SELENOO: variants seen among roughly 807,000 people sequenced by gnomAD.
SELENOO encodes the protein selenoprotein O, also known as protein adenylyltransferase SelO, mitochondrial.
SELENOO carries 74 observed loss-of-function variants against 58.7 expected under a neutral mutation model. That is an observed-to-expected ratio of 1.26 (90% CI 1.04 to 1.53). The LOEUF (loss-of-function observed/expected upper bound fraction) is 1.53, where lower values mean the gene tolerates loss of function less well. Ranked by LOEUF, SELENOO falls within the 40% of genes most tolerant of loss-of-function variation. The pLI, the probability that SELENOO is intolerant of heterozygous loss-of-function variation, is 0.00. For synonymous variants in SELENOO, 543 were observed against 453.2 expected, an observed-to-expected ratio of 1.20 and a Z score of -2.52; for missense variants, 1,149 against 970.0, an observed-to-expected ratio of 1.18 and a Z score of -2.45.
chr22:50,201,390 C>T lies in SELENOO; in HGVS notation c.354C>T (p.Ala118=). 2 of 1,277,040 alleles carry T rather than the reference C, an allele frequency of 1.6e-6. No homozygotes were observed. Among genetic ancestry groups the T allele is most frequent in the Non-Finnish European group, 2.0e-6 (2 of 1,009,646 alleles). 79.1% of individuals were successfully genotyped at this position (1,277,040 alleles called of 1,614,324 possible). A position where few individuals can be genotyped will look rare whatever the true frequency, so the allele number is the denominator to read the frequency against. The part of the protein sequence containing the change: ...LGAPPAREAE[A]EAALFFSGNA... ...CGCCGCCCGCGCGCGAGGCCGAGGC[C>T]GAGGCCGCGCTGTTCTTCAGCGGCA... Residue 118 remains alanine, a synonymous_variant, in exon 1 of 9, where the codon GCC becomes GCT. Coordinates refer to ENST00000380903, the MANE Select transcript of SELENOO (RefSeq NM_031454.2).
In SELENOO at chr22:50,216,999, C is replaced by T. The variant is rs565981739; in HGVS notation, c.1716C>T (p.Gly572=). Residue 572 remains glycine, a synonymous_variant, in exon 8 of 9, where the codon GGC becomes GGT. Coordinates refer to ENST00000380903, the MANE Select transcript of SELENOO (RefSeq NM_031454.2). The part of the protein sequence containing the change: ...YRARLDKDLE[G]AGDAAAWQAE... ...CCCGGCTGGACAAGGACCTGGAAGGCGCTGGGGACGCTGCCGCCTGGCAGG... is the reference window on the plus strand; with the variant it reads ...CCCGGCTGGACAAGGACCTGGAAGGTGCTGGGGACGCTGCCGCCTGGCAGG... 3.8e-5 allele frequency: 62 copies of T among 1,611,132 alleles called. No homozygotes were observed. In the African/African-American group the frequency reaches 4.9e-4, roughly 13 times the overall value.
intron 1 of SELENOO, 126 bp downstream of exon 1, chr22:50,201,716 G>A: frequency 1.5e-6 from 1 of 682,704 alleles, no homozygotes; most frequent in Non-Finnish European, 2.0e-6. Flanking sequence ...GCACCCGCGG[G>A]AGCGCGGTGC....
chr22:50,206,717 C>G lies in SELENOO; in HGVS notation c.758+197C>G, dbSNP rs181487301. 7.9e-5 allele frequency among the ~76,000 whole-genome samples: 12 copies of G among 152,350 alleles called. No homozygotes were observed. In the East Asian group the frequency reaches 1.5e-3, roughly 20 times the overall value. On this transcript the variant is annotated intron_variant, in intron 2 of 8. Coordinates refer to ENST00000380903, the MANE Select transcript of SELENOO (RefSeq NM_031454.2). ...CTGCGTCACGCCCACTGGGAGGGAT[C>G]TGAGTGCAAAGGCATTTGGTACTCA...
chr22:50,210,171 C>G lies in SELENOO; in HGVS notation c.940-10C>G, dbSNP rs1414216281. The G allele has an allele frequency of 8.1e-6, 13 of 1,612,012 alleles. No homozygotes were observed. On this transcript the variant is annotated splice_polypyrimidine_tract_variant and intron_variant, in intron 3 of 8. Coordinates refer to ENST00000380903, the MANE Select transcript of SELENOO (RefSeq NM_031454.2). ...CCCGAGGAGGGAGCAAGCACACTGT[C>G]CCACCCCAGGTGACGCGGCGCACGG...
rs76533541 is a variant in SELENOO, at chr22:50,213,204, G to T, written c.1351+2293G>T. ...GACTCCCAAGTAGCTGGGACTACTG[G>T]CATGCTCCACCACACCTAGCTAATT... is the stretch of plus-strand genomic sequence containing the variant. On this transcript the variant is annotated intron_variant, in intron 5 of 8. Transcript: ENST00000380903. Among the ~76,000 whole-genome samples the T allele has an allele frequency of 3.3e-5, 5 of 152,210 alleles. No homozygotes were observed. The East Asian group carries it at 9.7e-4, about 29-fold the overall frequency.
At position 50,217,487 on chromosome 22, in the gene SELENOO, C is replaced by G. The variant is rs1000556465; in HGVS notation, c.*118C>G. ...GGGATTCTGCCCTGGCCCATGCACA[C>G]CCGTCTTTCCATGATGGCAGAGACA... is the stretch of plus-strand genomic sequence containing the variant. On this transcript the variant is annotated 3_prime_UTR_variant, in exon 9 of 9. Coordinates refer to ENST00000380903, the MANE Select transcript of SELENOO (RefSeq NM_031454.2). 3 of 1,271,132 alleles carry G rather than the reference C, an allele frequency of 2.4e-6. No individual in the cohort carries two copies. Among genetic ancestry groups the G allele is most frequent in the African/African-American group, 3.0e-5 (2 of 65,744 alleles). The allele number at this position is 1,271,132 out of a possible 1,614,324, so 78.7% of individuals were successfully genotyped here.
rs115016508 is a variant in SELENOO, at chr22:50,217,614, C to A, written c.*245C>A. 4.7e-6 allele frequency: 5 copies of A among 1,070,278 alleles called. No homozygotes were observed. Among genetic ancestry groups the A allele is most frequent in the Non-Finnish European group, 6.7e-6 (5 of 748,876 alleles). 66.3% of individuals were successfully genotyped at this position (1,070,278 alleles called of 1,614,324 possible). A position where few individuals can be genotyped will look rare whatever the true frequency, so the allele number is the denominator to read the frequency against. On this transcript the variant is annotated 3_prime_UTR_variant, in exon 9 of 9. Transcript: ENST00000380903. ...CTCCTAAATAAACCAGCAACTCCCTCGAGTCTGTCTCTGTGGTCATTGTTC... is the reference window on the plus strand; with the variant it reads ...CTCCTAAATAAACCAGCAACTCCCTAGAGTCTGTCTCTGTGGTCATTGTTC...
chr22:50,217,236 C>T lies in SELENOO; in HGVS notation c.1877C>T (p.Pro626Leu), dbSNP rs761097789. Residue 626 changes from proline (P) to leucine (L), a missense_variant, in exon 9 of 9, where the codon CCT becomes CTT. Transcript: ENST00000380903. The part of the protein sequence containing the change: ...VRRVLKLLET[P>L]YHCEAGAATD... Reference sequence around the variant, plus strand: ...CGGGTGCTGAAACTACTGGAGACCCCTTACCACTGCGAGGCGGGGGCCGCC... The same window carrying T: ...CGGGTGCTGAAACTACTGGAGACCCTTTACCACTGCGAGGCGGGGGCCGCC... 1 of 1,611,768 alleles carries T rather than the reference C, an allele frequency of 6.2e-7. No homozygotes were observed. Among genetic ancestry groups the T allele is most frequent in the East Asian group, 2.2e-5 (1 of 44,878 alleles).
At position 50,215,878 on chromosome 22, in the gene SELENOO, A is replaced by T; in HGVS notation, c.1502+11A>T. ...CCAGATGGATCCCCGGTGGGTACTC[A>T]GTTCCTACTTCTTTGGATTTGTTTC... On this transcript the variant is annotated intron_variant, in intron 6 of 8. Transcript: ENST00000380903. 6.3e-7 allele frequency: 1 copy of T among 1,585,454 alleles called. No homozygotes were observed.
In SELENOO at chr22:50,217,074, GAACT is replaced by G; in HGVS notation, c.1793_1796del (p.Asn598ThrfsTer22). The G allele has an allele frequency of 6.2e-7, 1 of 1,612,934 alleles. No individual in the cohort carries two copies. The highest frequency in any genetic ancestry group is 8.5e-7 in the Non-Finnish European group (1 of 1,179,966). ...CCAACAACCCGAAGTACGTGCTGAGGAACTACATCGCGCAGAATGCCATCGAGGC... is the reference window on the plus strand; with the variant it reads ...CCAACAACCCGAAGTACGTGCTGAGGACATCGCGCAGAATGCCATCGAGGC... On this transcript the variant is annotated frameshift_variant, in exon 8 of 9. Transcript: ENST00000380903. LOFTEE classifies it high-confidence loss of function.
Position 50,216,883 on chromosome 22 carries a change from C to G in SELENOO, c.1688+7C>G. On this transcript the variant is annotated splice_region_variant and intron_variant, in intron 7 of 8. Transcript: ENST00000380903. ...ACTGGCTACAGGCGTACAGGTGAGC[C>G]CTGCGTCCATGGTCACCGGGGGACG... The G allele has an allele frequency of 6.2e-7, 1 of 1,605,978 alleles. No homozygotes were observed. The highest frequency in any genetic ancestry group is 8.5e-7 in the Non-Finnish European group (1 of 1,178,778).
intron 5 of SELENOO, among the ~76,000 whole-genome samples, chr22:50,214,965 C>T (rs535840505): frequency 1.1e-4 from 17 of 152,330 alleles, no homozygotes; most frequent in South Asian, 2.1e-4. Flanking sequence ...TCAGTCCATT[C>T]GCTTTCAAAG....
intron 5 of SELENOO, among the ~76,000 whole-genome samples, chr22:50,213,602 T>C (rs1392797225): frequency 6.6e-6 from 1 of 152,088 alleles, no homozygotes; most frequent in Non-Finnish European, 1.5e-5. Flanking sequence ...CTTGTTGGTT[T>C]AGGCTGTTGT....
At position 50,216,707 on chromosome 22, in the gene SELENOO, C is replaced by T. The variant is rs753316062; in HGVS notation, c.1519C>T (p.Leu507=). Residue 507 remains leucine (L), a synonymous_variant, in exon 7 of 9, where the codon CTG becomes TTG. Coordinates refer to ENST00000380903, the MANE Select transcript of SELENOO (RefSeq NM_031454.2). ...TCTCCACAGGCAGCTATCCATGATGCTGATGCTGGCGCAGTCAAACCCGCA... is the reference window on the plus strand; with the variant it reads ...TCTCCACAGGCAGCTATCCATGATGTTGATGCTGGCGCAGTCAAACCCGCA... The part of the protein sequence containing the change: ...QMDPRQLSMM[L]MLAQSNPQLF... 12 of 1,595,434 alleles carry T rather than the reference C, an allele frequency of 7.5e-6. No individual in the cohort carries two copies. The highest frequency in any genetic ancestry group is 2.1e-4 in the Middle Eastern group (1 of 4,860).
chr22:50,205,357 G>C (rs2064326455), intron 1 of SELENOO, among the ~76,000 whole-genome samples: 1 of 152,248 alleles, frequency 6.6e-6, no homozygotes, highest in Non-Finnish European at 1.5e-5. Flanking sequence ...AGGCCAAGGT[G>C]AGAGGATCGC....
chr22:50,212,760 C>G (rs368982243), intron 5 of SELENOO, among the ~76,000 whole-genome samples: 2 of 150,466 alleles, frequency 1.3e-5, no homozygotes, highest in South Asian at 4.2e-4. Context: ...AGTGGAGTTA[C>G]GCAGCGTGCG....
At position 50,210,328 on chromosome 22, in the gene SELENOO, C is replaced by A; in HGVS notation, c.1070+17C>A. ...CCTGGACAGGTAAGTGGCCCTGGGG[C>A]CCAGCAAAGTGCAGGCCCCAGGGCT... On this transcript the variant is annotated intron_variant, in intron 4 of 8. Coordinates refer to ENST00000380903, the MANE Select transcript of SELENOO (RefSeq NM_031454.2). 6.2e-7 allele frequency: 1 copy of A among 1,611,906 alleles called. No individual in the cohort carries two copies. Among genetic ancestry groups the A allele is most frequent in the Non-Finnish European group, 8.5e-7 (1 of 1,179,500 alleles).
chr22:50,217,179 C>T (rs762535953), intron 8 of SELENOO, 26 bp from the exon 9 acceptor site: 9 of 1,611,104 alleles, frequency 5.6e-6, no homozygotes, highest in South Asian at 1.1e-5. Context: ...CGGCCCCAGA[C>T]CCCTCTCACC....
rs749189201 is a variant in SELENOO, at chr22:50,208,520, C to T, written c.759-16C>T. 40 of 1,609,046 alleles carry T rather than the reference C, an allele frequency of 2.5e-5. 1 individual carries two copies. Among genetic ancestry groups the T allele is most frequent in the South Asian group, 7.7e-5 (7 of 90,968 alleles). On this transcript the variant is annotated splice_polypyrimidine_tract_variant and intron_variant, in intron 2 of 8. Transcript: ENST00000380903. Reference sequence around the variant, plus strand: ...GGTCAGGTTTGGGCTGTTGACGCCTCGGGTCTTCCCTCCAGGTTTGGATCC... The same window carrying T: ...GGTCAGGTTTGGGCTGTTGACGCCTTGGGTCTTCCCTCCAGGTTTGGATCC...
Sources: gnomAD v4.1 joint callset for allele counts (sites outside exome capture counted in the v4.1 genomes callset) on GRCh38, gnomAD v4.1.1 for gene constraint, MANE v1.5 for transcripts, NCBI Gene and HGNC (gene_info 2026-07-23, HGNC 2026-07-21) for gene names.